PCDHGB5: variants seen among roughly 807,000 people sequenced by gnomAD.
PCDHGB5 encodes protocadherin gamma-B5.
PCDHGB5 carries 48 observed loss-of-function variants against 62.9 expected under a neutral mutation model. The ratio of observed to expected loss-of-function variants is 0.76; its 90% CI spans 0.61 to 0.97. The LOEUF is 0.97. Among genes scored for constraint, PCDHGB5 ranks in the 50% least tolerant of loss-of-function variants. The pLI is 0.00. For synonymous variants in PCDHGB5, 474 were observed against 511.2 expected, an observed-to-expected ratio of 0.93 and a Z score of 0.98; for missense variants, 1,118 against 1,198.6, an observed-to-expected ratio of 0.93 and a Z score of 0.99.
At chr5:141,473,169 C>T (rs141382764) in intron 1 of PCDHGB5, among the ~76,000 whole-genome samples, 2 of 152,286 alleles carry the variant, frequency 1.3e-5, no homozygotes, top group East Asian at 3.9e-4. Context: ...GGAAGGCCCA[C>T]TGGTAACTTG....
intron 1 of PCDHGB5, among the ~76,000 whole-genome samples, chr5:141,449,199 A>T (rs927587807): frequency 3.3e-5 from 5 of 152,190 alleles, no homozygotes; most frequent in Admixed American, 2.6e-4. Flanking sequence ...AGAAGTGTTA[A>T]TTCTAACTTT....
intron 1 of PCDHGB5, chr5:141,423,740 G>T: frequency 1.4e-6 from 1 of 698,992 alleles, no homozygotes; most frequent in Non-Finnish European, 1.8e-6. Flanking sequence ...AGCCTGTTAT[G>T]AAAACTGTTT....
At chr5:141,440,106 T>A (rs1288263875) in intron 1 of PCDHGB5, 1 of 152,228 alleles carries the variant, frequency 6.6e-6, no homozygotes, top group East Asian at 1.9e-4. Flanking sequence ...AGTGGAGACT[T>A]ACTTGTGAAT....
At chr5:141,499,013 GA>G (rs2099788463) in intron 2 of PCDHGB5, among the ~76,000 whole-genome samples, 1 of 144,746 alleles carries the variant, frequency 6.9e-6, no homozygotes, top group Non-Finnish European at 1.5e-5. Context: ...AGGAAGGAAG[GA>G]AGGAAGGAAG....
Position 141,399,937 on chromosome 5 carries a change from G to C in PCDHGB5, c.1810G>C (p.Val604Leu). The change falls in exon 1 of 4, where the codon GTG becomes CTG. Residue 604 changes from valine (V) to leucine (L), a missense_variant. This residue lies in a region of PCDHGB5 where 1,034 missense variants were observed against 1,029.1 expected (regional missense o/e 1.00). Transcript: ENST00000617380. ...SGHNAWLSYH[V>L]LQASEPGLFS... is the part of the protein sequence containing the mutation. ...ACACAACGCCTGGCTGTCCTACCAC[G>C]TGCTGCAGGCTAGCGAGCCCGGGCT... 6.2e-7 allele frequency: 1 copy of C among 1,612,360 alleles called. No homozygotes were observed. Among genetic ancestry groups the C allele is most frequent in the African/African-American group, 1.3e-5 (1 of 75,030 alleles).
intron 1 of PCDHGB5, chr5:141,413,462 G>C (rs750915907): frequency 1.9e-6 from 3 of 1,614,120 alleles, no homozygotes; most frequent in Non-Finnish European, 2.5e-6. Flanking sequence ...AGGATAGACC[G>C]GGAGGAGCTC....
At chr5:141,501,333 A>C (rs200092587) in intron 2 of PCDHGB5, among the ~76,000 whole-genome samples, 397 of 140,104 alleles carry the variant, frequency 2.8e-3, no homozygotes, top group Non-Finnish European at 2.6e-3. Flanking sequence ...ACACACACAC[A>C]CCCCAAACTC....
chr5:141,427,742 C>T, intron 1 of PCDHGB5: 2 of 1,247,208 alleles, frequency 1.6e-6, no homozygotes, highest in Non-Finnish European at 2.3e-6. Context: ...GCCAAGTCTC[C>T]TACTCCATCG....
chr5:141,433,140 C>T (rs1394486228), intron 1 of PCDHGB5: 4 of 1,613,948 alleles, frequency 2.5e-6, no homozygotes, highest in African/African-American at 1.3e-5. Flanking sequence ...CTTTTGCTGT[C>T]AGGTGATTCG....
intron 1 of PCDHGB5, among the ~76,000 whole-genome samples, chr5:141,455,045 C>G (rs1008259013): frequency 6.6e-6 from 1 of 151,798 alleles, no homozygotes; most frequent in Non-Finnish European, 1.5e-5. Context: ...ATCTCCTGAC[C>G]TCGTGATCCG....
chr5:141,499,635 A>C (rs578081078), intron 2 of PCDHGB5, among the ~76,000 whole-genome samples: 16 of 152,136 alleles, frequency 1.1e-4, no homozygotes, highest in African/African-American at 3.6e-4. Context: ...CTTTTGAAGC[A>C]AATCTCAGAC....
At position 141,414,317 on chromosome 5, in the gene PCDHGB5, AG is replaced by A. The variant is rs757847465; in HGVS notation, c.2397+13794del. On this transcript the variant is annotated intron_variant, in intron 1 of 3. Transcript: ENST00000617380. The stretch of plus-strand genomic sequence containing the variant: ...TTAAATGTGCATGATTTAGACTCTG[AG>A]CAGAATGGACAGGTAACCTGTTCCA... The A allele has an allele frequency of 1.9e-6, 3 of 1,613,828 alleles. No individual in the cohort carries two copies. In the South Asian group the frequency reaches 3.3e-5, roughly 18 times the overall value.
rs375516156 is a variant in PCDHGB5 at position 141,510,311 on chromosome 5, C to G, written c.2546-636C>G. Among the ~76,000 whole-genome samples, 70 of 151,056 alleles carry G rather than the reference C, an allele frequency of 4.6e-4. No homozygotes were observed. The South Asian group carries it at 0.014, about 31-fold the overall frequency. On this transcript the variant is annotated intron_variant, in intron 3 of 3. Transcript: ENST00000617380. The stretch of plus-strand genomic sequence containing the variant: ...AAAAAATGCTGTTTTGAAATGGAGG[C>G]TTGGAAGAGCACTCTTCACCCCCAC...
At chr5:141,414,821 A>G (rs1321959107) in intron 1 of PCDHGB5, 1 of 1,614,226 alleles carries the variant, frequency 6.2e-7, no homozygotes, top group South Asian at 1.1e-5. Flanking sequence ...CTCAGCAGCA[A>G]CGTGTCGTTG....
chr5:141,488,054 A>G (rs1255295788), intron 1 of PCDHGB5, among the ~76,000 whole-genome samples: 1 of 152,206 alleles, frequency 6.6e-6, no homozygotes, highest in Admixed American at 6.5e-5. Flanking sequence ...TTGAGGGGAA[A>G]TAAAATCTTT....
chr5:141,419,375 T>G (rs755252910), intron 1 of PCDHGB5: 1 of 1,613,728 alleles, frequency 6.2e-7, no homozygotes, highest in Admixed American at 1.7e-5. Context: ...GTCCTACGTG[T>G]CCGTGAGCGC....
At chr5:141,422,110 T>A in intron 1 of PCDHGB5, 1 of 1,606,626 alleles carries the variant, frequency 6.2e-7, no homozygotes, top group South Asian at 1.1e-5. Flanking sequence ...AATATTCCAA[T>A]TGGATTCACA....
rs575856599 is a variant in PCDHGB5 at position 141,399,712 on chromosome 5, C to T, written c.1585C>T (p.Gln529Ter). ...GCTGCGCACCTTCGAACTCACACTA[C>T]AGGCCCGCGACCAGGGCTCGCCTGC... ...EQLRTFELTL[Q>*]ARDQGSPALS... is the part of the protein sequence containing the mutation. Residue 529 changes from glutamine to a stop codon, truncating the protein, a stop_gained, in exon 1 of 4, where the codon CAG becomes TAG. Transcript: ENST00000617380. LOFTEE classifies it high-confidence loss of function. The T allele has an allele frequency of 7.4e-6, 12 of 1,613,378 alleles. No individual in the cohort carries two copies. In the East Asian group the frequency reaches 2.2e-4, roughly 30 times the overall value.
At position 141,489,599 on chromosome 5, in the gene PCDHGB5, A is replaced by T; in HGVS notation, c.2398-5208A>T. The T allele has an allele frequency of 6.2e-7, 1 of 1,614,020 alleles. No homozygotes were observed. The highest frequency in any genetic ancestry group is 8.5e-7 in the Non-Finnish European group (1 of 1,179,970). On this transcript the variant is annotated intron_variant, in intron 1 of 3. Coordinates refer to ENST00000617380, the MANE Select transcript of PCDHGB5 (RefSeq NM_018925.3). This position sits in a 1 kb window ranked among gnomAD's most constrained non-coding sequence, Gnocchi z 4.5. ...CACCCCCTGGAGCTAATCCGTGTAGAGGTAGAGATCCTGGATCTCAATGAC... is the reference window on the plus strand; with the variant it reads ...CACCCCCTGGAGCTAATCCGTGTAGTGGTAGAGATCCTGGATCTCAATGAC...
Sources: allele counts gnomAD v4.1 joint callset (sites outside exome capture counted in the v4.1 genomes callset), GRCh38; gene constraint gnomAD v4.1.1; regional missense constraint gnomAD v4.1.1; non-coding constraint Gnocchi (gnomAD v3.1); transcripts MANE v1.5; gene names NCBI Gene and HGNC (gene_info 2026-07-23, HGNC 2026-07-21).